LAMA1: variants seen among roughly 807,000 people sequenced by gnomAD.
The protein encoded by LAMA1 is laminin subunit alpha-1.
In LAMA1, 219 loss-of-function variants were observed where a neutral mutation model predicts 348.7. The observed-to-expected ratio is 0.63, with a 90% CI of 0.56 to 0.70. The LOEUF is 0.70. Ranked by LOEUF, LAMA1 falls within the 30% of genes least tolerant of loss-of-function variation. The pLI is 0.00. For missense variants in LAMA1, 3,744 were observed against 3,888.0 expected, an observed-to-expected ratio of 0.96 and a Z score of 0.99; for synonymous variants, 1,487 against 1,491.0, an observed-to-expected ratio of 1.00 and a Z score of 0.06.
In LAMA1 at chr18:7,025,995, T is replaced by G; in HGVS notation, c.2386A>C (p.Thr796Pro). 1 of 1,608,070 alleles carries G rather than the reference T, an allele frequency of 6.2e-7. No individual in the cohort carries two copies. The highest frequency in any genetic ancestry group is 1.3e-5 in the African/African-American group (1 of 74,882). Residue 796 changes from threonine to proline, a missense_variant, in exon 17 of 63, where the codon ACC (threonine) becomes CCC (proline). Thr to Pro is a conservative substitution (Grantham distance 38). Coordinates refer to ENST00000389658, the MANE Select transcript of LAMA1 (RefSeq NM_005559.4). Reference sequence around the variant, plus strand: ...GAGGCTTACTTGTTGGAGGCTATGGTGAGAGGGCAGGCGCAGGGCTGGCAG... The same window carrying G: ...GAGGCTTACTTGTTGGAGGCTATGGGGAGAGGGCAGGCGCAGGGCTGGCAG... ...GDCQPCACPL[T>P]IASNNFSPTC...
intron 1 of LAMA1, among the ~76,000 whole-genome samples, chr18:7,114,078 A>C (rs1427524034): frequency 1.5e-5 from 2 of 133,084 alleles, no homozygotes; most frequent in African/African-American, 3.8e-5. Flanking sequence ...CTCCGTCTCA[A>C]AAAAAAAAAA....
intron 1 of LAMA1, among the ~76,000 whole-genome samples, chr18:7,100,108 C>A: frequency 7.5e-6 from 1 of 132,668 alleles, no homozygotes; most frequent in South Asian, 2.7e-4. Flanking sequence ...GGAGAAAATA[C>A]TTTCAAATCA....
chr18:7,017,417 T>A, intron 19 of LAMA1, 33 bp from the exon 20 acceptor site: 1 of 1,468,700 alleles, frequency 6.8e-7, no homozygotes, highest in Non-Finnish European at 9.5e-7. Context: ...ATATTAACCC[T>A]CACTTCTGAG....
intron 30 of LAMA1, 62 bp from the exon 31 acceptor site, chr18:7,000,059 A>G: frequency 8.2e-7 from 1 of 1,218,548 alleles, no homozygotes; most frequent in Non-Finnish European, 1.2e-6. Context: ...TCCTTAAGGT[A>G]CTTATTCATT....
At chr18:7,038,584 A>G (rs925800766) in intron 11 of LAMA1, 14 of 637,308 alleles carry the variant, frequency 2.2e-5, no homozygotes, top group Non-Finnish European at 3.1e-5. Context: ...CTCTAGTGCC[A>G]CATCATCCTG....
chr18:6,993,534 G>A lies in LAMA1; in HGVS notation c.5008+107C>T, dbSNP rs558771279. 72 of 889,882 alleles carry A rather than the reference G, an allele frequency of 8.1e-5. No homozygotes were observed. In the East Asian group the frequency reaches 9.9e-4, roughly 12 times the overall value. 55.1% of individuals were successfully genotyped at this position (889,882 alleles called of 1,614,324 possible). ...AAACTATTCCAGCCCCTCTGGTTCC[G>A]GAAACCCGATGCAAGAGATATACAT... On this transcript the variant is annotated intron_variant, in intron 35 of 62. Transcript: ENST00000389658.
intron 58 of LAMA1, among the ~76,000 whole-genome samples, chr18:6,949,863 A>T (rs1437915222): frequency 6.6e-6 from 1 of 152,208 alleles, no homozygotes; most frequent in Non-Finnish European, 1.5e-5. Flanking sequence ...GCTAAGATAC[A>T]GGCATAAACT....
chr18:6,992,116 G>T (rs1043116106), intron 36 of LAMA1, among the ~76,000 whole-genome samples: 4 of 152,202 alleles, frequency 2.6e-5, no homozygotes, highest in Admixed American at 2.6e-4. Flanking sequence ...ACTTCACATC[G>T]TGGGTTTCAA....
intron 11 of LAMA1, among the ~76,000 whole-genome samples, chr18:7,038,380 TGCACCACGTGCC>T (rs1384025640): frequency 6.6e-6 from 1 of 152,118 alleles, no homozygotes; most frequent in Non-Finnish European, 1.5e-5. Flanking sequence ...TCCTAAACCC[TGCACCACGTGCC>T]GCTGTTCCCA....
intron 19 of LAMA1, among the ~76,000 whole-genome samples, chr18:7,018,575 T>G (rs981916522): frequency 6.6e-6 from 1 of 151,558 alleles, no homozygotes; most frequent in African/African-American, 2.4e-5. Flanking sequence ...TTTTGTATTT[T>G]TAGTAGAGAC....
At chr18:7,110,785 C>A (rs1049426898) in intron 1 of LAMA1, among the ~76,000 whole-genome samples, 2 of 152,060 alleles carry the variant, frequency 1.3e-5, no homozygotes, top group African/African-American at 4.8e-5. Flanking sequence ...TGAGCCACTG[C>A]ACGCCAGCCT....
In LAMA1 at chr18:7,050,899, TTG is replaced by T. The variant is rs775137442; in HGVS notation, c.381_382del (p.Asn128CysfsTer49). ...AATCCAGTTTCCAGGTCGAGGGGCA[TTG>T]GCAGCTTTAATGATGACATATGCAA... is the stretch of plus-strand genomic sequence containing the variant. On this transcript the variant is annotated frameshift_variant, in exon 4 of 63. Transcript: ENST00000389658. LOFTEE classifies it high-confidence loss of function. 1 of 1,614,140 alleles carries T rather than the reference TTG, an allele frequency of 6.2e-7. No homozygotes were observed. Among genetic ancestry groups the T allele is most frequent in the Non-Finnish European group, 8.5e-7 (1 of 1,180,026 alleles).
intron 1 of LAMA1, 46 bp from the exon 2 acceptor site, chr18:7,080,503 A>G: frequency 2.1e-5 from 34 of 1,598,548 alleles, no homozygotes; most frequent in Non-Finnish European, 2.7e-5. Context: ...TTGAAATCCA[A>G]AGAATGAGCT....
intron 57 of LAMA1, chr18:6,954,099 G>A (rs1348305659): frequency 6.6e-6 from 1 of 152,268 alleles, no homozygotes; most frequent in East Asian, 1.9e-4. Context: ...GCAGCTATGA[G>A]GAAGTAGTCA....
intron 1 of LAMA1, among the ~76,000 whole-genome samples, chr18:7,103,853 A>G (rs890351197): frequency 7.3e-5 from 11 of 150,908 alleles, no homozygotes; most frequent in Non-Finnish European, 1.6e-4. Context: ...TGACCCACTG[A>G]GGTCTCCTAG....
At chr18:7,102,306 C>T (rs973119150) in intron 1 of LAMA1, among the ~76,000 whole-genome samples, 7 of 151,954 alleles carry the variant, frequency 4.6e-5, no homozygotes, top group African/African-American at 1.7e-4. Flanking sequence ...ATTCTGTATG[C>T]CTTTGTTCTG....
chr18:6,953,066 G>A (rs970009057), intron 57 of LAMA1, among the ~76,000 whole-genome samples: 7 of 146,428 alleles, frequency 4.8e-5, no homozygotes, highest in African/African-American at 7.6e-5. Flanking sequence ...GCGGATCCAC[G>A]CCATGGGAGC....
chr18:7,037,690 T>C lies in LAMA1; in HGVS notation c.1625A>G (p.Gln542Arg). 6.2e-7 allele frequency: 1 copy of C among 1,614,216 alleles called. No individual in the cohort carries two copies. Among genetic ancestry groups the C allele is most frequent in the South Asian group, 1.1e-5 (1 of 91,084 alleles). ...ATGGCGCCCGCCTAGTGCATCTTGC[T>C]GAGACGGGATCTTCCTGGGACTGAT... is the stretch of plus-strand genomic sequence containing the variant. ...DLISPRKIPSQQDALGGRHQV... is the reference protein window; with the variant it reads ...DLISPRKIPSRQDALGGRHQV... Residue 542 changes from glutamine (Q) to arginine (R), a missense_variant, in exon 12 of 63, where the codon CAG becomes CGG. Around this residue, in one of 3 missense-constraint regions of LAMA1, gnomAD observed 1,529 missense variants for 1,689.4 expected, o/e 0.91. Coordinates refer to ENST00000389658, the MANE Select transcript of LAMA1 (RefSeq NM_005559.4).
rs1179436742 is a variant in LAMA1, at chr18:6,959,405, G to A, written c.7714C>T (p.His2572Tyr). The change falls in exon 54 of 63, where the codon CAC becomes TAC. Residue 2572 changes from histidine (H) to tyrosine (Y), a missense_variant. By Grantham distance (83) the His-to-Tyr change is moderately conservative. Around this residue, in one of 3 missense-constraint regions of LAMA1, gnomAD observed 1,983 missense variants for 1,934.3 expected, o/e 1.03. Coordinates refer to ENST00000389658, the MANE Select transcript of LAMA1 (RefSeq NM_005559.4). ...TCACTGCAGGTACCCGTGGGAGCGTGCAGGAGAGCTTTTCTCAGGCCTGTC... is the reference window on the plus strand; with the variant it reads ...TCACTGCAGGTACCCGTGGGAGCGTACAGGAGAGCTTTTCTCAGGCCTGTC... ...DGTGLRKALLHAPTGTCSDGQ... is the reference protein window; with the variant it reads ...DGTGLRKALLYAPTGTCSDGQ... 1 of 1,614,198 alleles carries A rather than the reference G, an allele frequency of 6.2e-7. No homozygotes were observed. The highest frequency in any genetic ancestry group is 1.7e-5 in the Admixed American group (1 of 60,028).
Sources: gnomAD v4.1 joint callset for allele counts (sites outside exome capture counted in the v4.1 genomes callset) on GRCh38, gnomAD v4.1.1 for gene constraint, gnomAD v4.1.1 regional missense constraint, MANE v1.5 for transcripts, NCBI Gene and HGNC (gene_info 2026-07-23, HGNC 2026-07-21) for gene names.